The following KLHL23 variants were observed in gnomAD, a reference collection of about 807,000 sequenced individuals.
The protein encoded by KLHL23 is kelch like family member 23.
A neutral mutation model predicts 48.9 loss-of-function variants in KLHL23; 33 were observed. That is an observed-to-expected ratio of 0.67 (90% CI 0.51 to 0.90). The LOEUF (loss-of-function observed/expected upper bound fraction) is 0.90, where lower values mean the gene tolerates loss of function less well. Among genes scored for constraint, KLHL23 ranks in the 40% least tolerant of loss-of-function variants. The pLI is 0.00. For synonymous variants in KLHL23, 234 were observed against 231.6 expected (o/e 1.01, Z -0.09); for missense variants, 608 against 669.6 (o/e 0.91, Z 1.02).
intron 2 of KLHL23, among the ~76,000 whole-genome samples, chr2:169,739,133 A>G (rs1399308937): frequency 7.3e-6 from 1 of 136,952 alleles, no homozygotes; most frequent in African/African-American, 2.8e-5. Flanking sequence ...TTTCCAGCTC[A>G]GGACCTCAAA....
intron 1 of KLHL23, among the ~76,000 whole-genome samples, chr2:169,734,626 G>GAGACGATGTGATTT (rs1688468993): frequency 6.6e-6 from 1 of 152,218 alleles, no homozygotes; most frequent in Admixed American, 6.5e-5. Flanking sequence ...ACGAGCTTGG[G>GAGACGATGTGATTT]GAAAAGGTTG....
chr2:169,744,943 G>GTT (rs34081026), intron 3 of KLHL23, among the ~76,000 whole-genome samples: 91 of 142,524 alleles, frequency 6.4e-4, no homozygotes, highest in African/African-American at 1.3e-3. Context: ...TTTGTTTTTT[G>GTT]TTTTTTTTTT....
Position 169,735,428 on chromosome 2 carries a change from T to C in KLHL23, c.414T>C (p.Asn138=), listed in dbSNP as rs768864518. The C allele has an allele frequency of 1.2e-6, 2 of 1,613,906 alleles. No homozygotes were observed. Residue 138 remains asparagine (N), a synonymous_variant, in exon 2 of 4, where the codon AAT becomes AAC. Coordinates refer to ENST00000392647, the MANE Select transcript of KLHL23 (RefSeq NM_144711.6). This position sits in a 1 kb window ranked among gnomAD's most constrained non-coding sequence, Gnocchi z 4.5. ...TGGTAAGGCACTTGGATATTGATAA[T>C]TGTATTGGAATGCACTCCTTTGCAG... ...RFLVRHLDID[N]CIGMHSFAEF... is the part of the protein sequence containing the mutation.
intron 2 of KLHL23, among the ~76,000 whole-genome samples, chr2:169,740,769 T>TATATATATATATATATATAC (rs1688657221): frequency 1.1e-5 from 1 of 86,964 alleles, no homozygotes; most frequent in East Asian, 2.5e-4. Flanking sequence ...TTTTATATTA[T>TATATATATATATATATATAC]ATATATATAT....
Position 169,750,094 on chromosome 2 carries a change from A to ATGTGTATATATACGTATG in KLHL23, c.*370_*371insTATACGTATGTGTGTATA. The stretch of plus-strand genomic sequence containing the variant: ...TATATACGTATGTATGTATACATAT[A>ATGTGTATATATACGTATG]TGTGTATACATATATATGTGTGTAT... On this transcript the variant is annotated 3_prime_UTR_variant, in exon 4 of 4. Transcript: ENST00000392647. The ATGTGTATATATACGTATG allele has an allele frequency of 1.5e-5, 2 of 133,024 alleles. 1 individual carries two copies. Among genetic ancestry groups the ATGTGTATATATACGTATG allele is most frequent in the Admixed American group, 1.5e-4 (2 of 13,124 alleles). The allele number at this position is 133,024 out of a possible 1,614,324, so 8.2% of individuals were successfully genotyped here.
intron 3 of KLHL23, 98 bp downstream of exon 3, chr2:169,741,635 A>G: frequency 2.8e-6 from 4 of 1,403,578 alleles, no homozygotes; most frequent in Non-Finnish European, 3.8e-6. Flanking sequence ...TGCTGATTTT[A>G]TTGTAGACTA....
In KLHL23 at chr2:169,736,031, G is replaced by A. The variant is rs1172960600; in HGVS notation, c.1017G>A (p.Val339=). The change falls in exon 2 of 4, where the codon GTG becomes GTA. Residue 339 remains valine, a synonymous_variant. Transcript: ENST00000392647. Reference sequence around the variant, plus strand: ...ATAACATAGAAGCTCTTGACACAGTGTGGATCTATAACAGTGAAAGTGATG... The same window carrying A: ...ATAACATAGAAGCTCTTGACACAGTATGGATCTATAACAGTGAAAGTGATG... ...RTDNIEALDT[V]WIYNSESDEW... 3 of 1,614,190 alleles carry A rather than the reference G, an allele frequency of 1.9e-6. No individual in the cohort carries two copies. Among genetic ancestry groups the A allele is most frequent in the Non-Finnish European group, 2.5e-6 (3 of 1,180,044 alleles).
chr2:169,751,874 C>G lies in KLHL23; in HGVS notation c.*2142C>G, dbSNP rs1688976040. On this transcript the variant is annotated 3_prime_UTR_variant, in exon 4 of 4. Coordinates refer to ENST00000392647, the MANE Select transcript of KLHL23 (RefSeq NM_144711.6). ...TTGTATTTTCAATAAAAATAAATCA[C>G]TGTACATAGTAAGACTGCTTGAATT... 1 of 152,098 alleles carries G rather than the reference C, an allele frequency of 6.6e-6. No individual in the cohort carries two copies. The allele number at this position is 152,098 out of a possible 1,614,324, so 9.4% of individuals were successfully genotyped here.
In KLHL23 at chr2:169,750,183, A is replaced by G. The variant is rs1308214198; in HGVS notation, c.*451A>G. On this transcript the variant is annotated 3_prime_UTR_variant, in exon 4 of 4. Coordinates refer to ENST00000392647, the MANE Select transcript of KLHL23 (RefSeq NM_144711.6). ...ACACAGTTGAATCAGTGGGATTAAT[A>G]CCTATAATCTCTGGTTTTCAAAGGT... is the stretch of plus-strand genomic sequence containing the variant. The G allele has an allele frequency of 6.5e-6, 1 of 152,822 alleles. No individual in the cohort carries two copies. The allele number at this position is 152,822 out of a possible 1,614,324, so 9.5% of individuals were successfully genotyped here. A position where few individuals can be genotyped will look rare whatever the true frequency, so the allele number is the denominator to read the frequency against.
In KLHL23 at chr2:169,750,046, A is replaced by ATGTATACATATGTGTATATATACGTG. The variant is rs1558952515; in HGVS notation, c.*319_*320insACATATGTGTATATATACGTGTGTAT. ...ATGTATACATATGTGTATATATAGT[A>ATGTATACATATGTGTATATATACGTG]TGTATGTATACATGTATGTGTATAT... On this transcript the variant is annotated 3_prime_UTR_variant, in exon 4 of 4. Transcript: ENST00000392647. The ATGTATACATATGTGTATATATACGTG allele has an allele frequency of 1.1e-4, 1 of 9,268 alleles. No individual in the cohort carries two copies. The highest frequency in any genetic ancestry group is 1.8e-4 in the African/African-American group (1 of 5,644). The allele number at this position is 9,268 out of a possible 1,614,324, so 0.6% of individuals were successfully genotyped here.
At chr2:169,734,914 T>A in intron 1 of KLHL23, 99 bp from the exon 2 acceptor site, 8 of 1,438,818 alleles carry the variant, frequency 5.6e-6, no homozygotes, top group Non-Finnish European at 7.4e-6. Context: ...CTTAGTCCAG[T>A]TTTGGAGTAT....
chr2:169,744,053 C>CTACA (rs1420310657), intron 3 of KLHL23, among the ~76,000 whole-genome samples: 1 of 152,080 alleles, frequency 6.6e-6, no homozygotes, highest in Non-Finnish European at 1.5e-5. Flanking sequence ...AATTGGAAAA[C>CTACA]ATGGGACTAT....
chr2:169,742,891 G>T (rs1327634421), intron 3 of KLHL23, among the ~76,000 whole-genome samples: 1 of 152,162 alleles, frequency 6.6e-6, no homozygotes, highest in African/African-American at 2.4e-5. Flanking sequence ...GTGTGTGGCA[G>T]GCACAAACTA....
chr2:169,740,838 A>T lies in KLHL23; in HGVS notation c.1214-547A>T, dbSNP rs187184793. On this transcript the variant is annotated intron_variant, in intron 2 of 3. Coordinates refer to ENST00000392647, the MANE Select transcript of KLHL23 (RefSeq NM_144711.6). Reference sequence around the variant, plus strand: ...ACTCGTTAAACTTTTTTGTTAAAAAAGTAAGACACAGACATACACATTAGC... The same window carrying T: ...ACTCGTTAAACTTTTTTGTTAAAAATGTAAGACACAGACATACACATTAGC... Among the ~76,000 whole-genome samples, 36 of 148,582 alleles carry T rather than the reference A, an allele frequency of 2.4e-4. No homozygotes were observed. The East Asian group carries it at 6.8e-3, about 28-fold the overall frequency.
chr2:169,741,360 A>G (rs1189467494), intron 2 of KLHL23, 25 bp from the exon 3 acceptor site: 1 of 1,586,990 alleles, frequency 6.3e-7, no homozygotes. Flanking sequence ...ATCAATCTAA[A>G]GATGTGATTT....
chr2:169,742,833 G>A (rs544836076), intron 3 of KLHL23, among the ~76,000 whole-genome samples: 110 of 152,332 alleles, frequency 7.2e-4, no homozygotes, highest in African/African-American at 2.4e-3. Flanking sequence ...ATAATGGAAA[G>A]GAATAGTAAC....
intron 3 of KLHL23, among the ~76,000 whole-genome samples, chr2:169,747,713 T>G (rs1359664087): frequency 6.6e-6 from 1 of 152,178 alleles, no homozygotes; most frequent in Non-Finnish European, 1.5e-5. Context: ...CAAAGTACAA[T>G]TCATTCATTA....
intron 3 of KLHL23, among the ~76,000 whole-genome samples, chr2:169,748,400 C>T (rs574370917): frequency 3.5e-4 from 53 of 152,190 alleles, no homozygotes; most frequent in Non-Finnish European, 6.5e-4. Context: ...GACAAATCCT[C>T]CTCTTCCTTT....
chr2:169,741,242 T>A (rs1311278425), intron 2 of KLHL23, 143 bp from the exon 3 acceptor site: 11 of 1,088,038 alleles, frequency 1.0e-5, no homozygotes, highest in Non-Finnish European at 1.2e-5. Flanking sequence ...TCCTTTTTTA[T>A]TCTTTTGTCC....
Sources: allele counts gnomAD v4.1 joint callset (sites outside exome capture counted in the v4.1 genomes callset), GRCh38; gene constraint gnomAD v4.1.1; non-coding constraint Gnocchi (gnomAD v3.1); transcripts MANE v1.5; gene names NCBI Gene and HGNC (gene_info 2026-07-23, HGNC 2026-07-21).